Variants in TSC2 observed in about 807,000 individuals in gnomAD.
TSC2 encodes TSC complex subunit 2, also known as tuberin.
TSC2 carries 29 observed loss-of-function variants against 202.2 expected under a neutral mutation model. The ratio of observed to expected loss-of-function variants is 0.14; its 90% confidence interval spans 0.11 to 0.20. The LOEUF (loss-of-function observed/expected upper bound fraction) is 0.20, where lower values mean the gene tolerates loss of function less well. Among genes scored for constraint, TSC2 ranks in the 10% least tolerant of loss-of-function variants. The probability of loss-of-function intolerance (pLI) is 1.00; values close to 1 mark genes in which losing one functional copy is unlikely to be tolerated. For missense variants in TSC2, 2,429 were observed against 2,420.0 expected (o/e 1.00, Z -0.08); for synonymous variants, 1,349 against 1,044.0 (o/e 1.29, Z -5.63).
At chr16:2,048,282 G>C (rs1416474124) in intron 1 of TSC2, 2 of 1,180,494 alleles carry the variant, frequency 1.7e-6, no homozygotes, top group Non-Finnish European at 2.5e-6. Context: ...GGGTAGAGGA[G>C]AGACGGCAAA....
At chr16:2,084,776 A>C in intron 34 of TSC2, 61 bp downstream of exon 34, 1 of 1,598,440 alleles carries the variant, frequency 6.3e-7, no homozygotes, top group Non-Finnish European at 8.5e-7. Flanking sequence ...CTGGTGCCTC[A>C]CTTGCCCCAG....
At chr16:2,073,708 C>T (rs530227580) in intron 21 of TSC2, among the ~76,000 whole-genome samples, 1 of 152,360 alleles carries the variant, frequency 6.6e-6, no homozygotes, top group Admixed American at 6.5e-5. Context: ...TGCTGGGCTG[C>T]AGGTTCTGAG....
Position 2,058,923 on chromosome 16 carries a change from C to A in TSC2, c.975+50C>A, listed in dbSNP as rs769999065. 3 of 1,582,400 alleles carry A rather than the reference C, an allele frequency of 1.9e-6. No individual in the cohort carries two copies. In the African/African-American group the frequency reaches 4.0e-5, roughly 21 times the overall value. ...AGCTGGCAGGAACGGGAGAGCTCCC[C>A]TCACGCCTGCCCACCCATCCCACTG... is the stretch of plus-strand genomic sequence containing the variant. On this transcript the variant is annotated intron_variant, in intron 10 of 41. Coordinates refer to ENST00000219476, the MANE Select transcript of TSC2 (RefSeq NM_000548.5).
chr16:2,081,225 C>A, intron 30 of TSC2: 1 of 368,932 alleles, frequency 2.7e-6, no homozygotes, highest in Admixed American at 3.8e-5. Context: ...CGCAGAGGCC[C>A]AGAGCCCAGG....
chr16:2,080,532 G>A (rs2090001575), intron 30 of TSC2, 155 bp downstream of exon 30: 3 of 837,534 alleles, frequency 3.6e-6, no homozygotes, highest in Admixed American at 5.4e-5. Context: ...GGCCCACGCT[G>A]GAACGCAGTG....
intron 34 of TSC2, 27 bp from the exon 35 acceptor site, chr16:2,084,924 G>C: frequency 6.2e-7 from 1 of 1,612,898 alleles, no homozygotes; most frequent in Non-Finnish European, 8.5e-7. Flanking sequence ...CCCTCACCTG[G>C]GTGCCCACCA....
At chr16:2,083,534 C>T in intron 32 of TSC2, 161 bp from the exon 33 acceptor site, 3 of 1,279,136 alleles carry the variant, frequency 2.3e-6, no homozygotes, top group South Asian at 2.6e-5. Flanking sequence ...TTCCCAGCGT[C>T]CTCCCTGCCC....
At chr16:2,088,399 G>C (rs2091173930) in intron 41 of TSC2, 47 bp from the exon 42 acceptor site, 2 of 1,612,510 alleles carry the variant, frequency 1.2e-6, no homozygotes, top group East Asian at 4.5e-5. Context: ...GGGCAGAGCG[G>C]TTGCCACGCC....
chr16:2,051,610 C>T (rs1156831138), intron 3 of TSC2, among the ~76,000 whole-genome samples: 1 of 152,222 alleles, frequency 6.6e-6, no homozygotes, highest in Non-Finnish European at 1.5e-5. Context: ...TGGTAGAGCA[C>T]CTGAGGGCTC....
At chr16:2,062,947 G>A (rs1165950611) in intron 13 of TSC2, 25 bp from the exon 14 acceptor site, 16 of 1,547,164 alleles carry the variant, frequency 1.0e-5, no homozygotes, top group Non-Finnish European at 1.3e-5. Flanking sequence ...CTCCCCACCC[G>A]CCCCAGCAGG....
chr16:2,059,580 C>T (rs1458672419), intron 10 of TSC2, among the ~76,000 whole-genome samples: 4 of 137,744 alleles, frequency 2.9e-5, no homozygotes, highest in Admixed American at 7.8e-5. Flanking sequence ...AGTGCAATGG[C>T]GCGATCTTGG....
At chr16:2,076,341 C>A in intron 24 of TSC2, 150 bp from the exon 25 acceptor site, 1 of 1,560,744 alleles carries the variant, frequency 6.4e-7, no homozygotes, top group Non-Finnish European at 8.7e-7. Context: ...GGCTTTGATG[C>A]GCGGCAGGCA....
intron 16 of TSC2, among the ~76,000 whole-genome samples, chr16:2,067,418 T>C (rs2087543588): frequency 6.6e-6 from 1 of 151,410 alleles, no homozygotes; most frequent in South Asian, 2.1e-4. Flanking sequence ...CACCATAGCC[T>C]CCCAAAGTGC....
intron 36 of TSC2, 58 bp from the exon 37 acceptor site, chr16:2,086,135 T>A: frequency 6.2e-7 from 1 of 1,603,418 alleles, no homozygotes; most frequent in Non-Finnish European, 8.5e-7. Context: ...CCCCACCCTC[T>A]GCGGGGCAGG....
rs2084695494 is a variant in TSC2, at chr16:2,048,778, C to G, written c.138+25C>G. 5.6e-6 allele frequency: 9 copies of G among 1,613,850 alleles called. No homozygotes were observed. The East Asian group carries it at 2.0e-4, about 36-fold the overall frequency. ...AGTGAGTGAGCTACCTGTGTCTTTG[C>G]TAGGCTAGAGGGAAATGCAGAGAAG... On this transcript the variant is annotated intron_variant, in intron 2 of 41. Coordinates refer to ENST00000219476, the MANE Select transcript of TSC2 (RefSeq NM_000548.5).
chr16:2,084,251 G>C lies in TSC2; in HGVS notation c.4029G>C (p.Glu1343Asp), dbSNP rs752502287. Reference protein sequence around the residue: ...YSRSSSVSSQEEKSLHAEELV... With the variant: ...YSRSSSVSSQDEKSLHAEELV... ...AGTCGTCCTCAGTCTCCAGCCAGGA[G>C]GAGAAGTCGCTCCACGCGGAGGAGC... Residue 1343 changes from glutamate to aspartate, a missense_variant, in exon 34 of 42, where the codon GAG (glutamate) becomes GAC (aspartate). By Grantham distance (45) the Glu-to-Asp change is conservative. Coordinates refer to ENST00000219476, the MANE Select transcript of TSC2 (RefSeq NM_000548.5). 8.7e-6 allele frequency: 14 copies of C among 1,602,400 alleles called. No homozygotes were observed. In the South Asian group the frequency reaches 1.5e-4, roughly 17 times the overall value.
intron 37 of TSC2, 87 bp from the exon 38 acceptor site, chr16:2,086,645 C>T (rs1476990818): frequency 1.9e-6 from 3 of 1,586,260 alleles, no homozygotes; most frequent in Non-Finnish European, 2.6e-6. Context: ...CCCAGAGCCC[C>T]TGGAGTAATC....
rs61501628 is a variant in TSC2, at chr16:2,080,720, G to A, written c.3610+343G>A. On this transcript the variant is annotated intron_variant, in intron 30 of 41. Coordinates refer to ENST00000219476, the MANE Select transcript of TSC2 (RefSeq NM_000548.5). ...AGGATGGTCTCAATCTCCTGACCTC[G>A]TGATCCGCCCGCCTTGGCCTCCCAA... 7.6e-4 allele frequency: 230 copies of A among 301,922 alleles called. 1 individual carries two copies. In the East Asian group the frequency reaches 9.0e-3, roughly 12 times the overall value. 18.7% of individuals were successfully genotyped at this position (301,922 alleles called of 1,614,324 possible). A position where few individuals can be genotyped will look rare whatever the true frequency, so the allele number is the denominator to read the frequency against.
chr16:2,070,425 C>T (rs766408064), intron 16 of TSC2, 31 bp from the exon 17 acceptor site: 32 of 1,613,098 alleles, frequency 2.0e-5, no homozygotes, highest in African/African-American at 4.0e-5. Flanking sequence ...TCACCTCCTG[C>T]GCCGTGGTGA....
Sources: allele counts gnomAD v4.1 joint callset (sites outside exome capture counted in the v4.1 genomes callset), GRCh38; gene constraint gnomAD v4.1.1; transcripts MANE v1.5; gene names NCBI Gene and HGNC (gene_info 2026-07-23, HGNC 2026-07-21).